Variants in EVL observed in about 807,000 individuals in gnomAD.
EVL encodes the protein ena/VASP-like protein.
In EVL, 21 loss-of-function variants were observed where a neutral mutation model predicts 59.6. The ratio of observed to expected loss-of-function variants is 0.35; its 90% confidence interval spans 0.25 to 0.51. The LOEUF (loss-of-function observed/expected upper bound fraction) is 0.51, where lower values mean the gene tolerates loss of function less well. Ranked by LOEUF, EVL falls within the 20% of genes least tolerant of loss-of-function variation. The pLI is 0.97. For missense variants in EVL, 462 were observed against 546.6 expected (o/e 0.85, Z 1.54); for synonymous variants, 198 against 203.5 (o/e 0.97, Z 0.23).
At chr14:99,971,986 G>GCCC (rs1330937278) in exon 1 of EVL, 1 of 124,392 alleles carries the variant, frequency 8.0e-6, no homozygotes, top group Non-Finnish European at 1.6e-5. Flanking sequence ...CGCGTCCCGC[G>GCCC]CCCCGCCGCC....
Position 100,143,888 on chromosome 14 carries a change from A to T in EVL, c.*150A>T. The T allele has an allele frequency of 1.1e-6, 1 of 875,430 alleles. No individual in the cohort carries two copies. 54.2% of individuals were successfully genotyped at this position (875,430 alleles called of 1,614,324 possible). The stretch of plus-strand genomic sequence containing the variant: ...ACGTCCTGACCTGTGATCACACATG[A>T]CAGTGAGGAAACCAAGTGCAACTCC... On this transcript the variant is annotated 3_prime_UTR_variant, in exon 14 of 14. Transcript: ENST00000392920.
At chr14:100,095,111 G>A (rs1885717134) in intron 2 of EVL, among the ~76,000 whole-genome samples, 1 of 152,138 alleles carries the variant, frequency 6.6e-6, no homozygotes, top group South Asian at 2.1e-4. Flanking sequence ...TCAAATCATA[G>A]GGTTCTAAAT....
chr14:100,060,385 C>T (rs1008875117), intron 1 of EVL, among the ~76,000 whole-genome samples: 6 of 147,102 alleles, frequency 4.1e-5, no homozygotes, highest in African/African-American at 1.0e-4. Context: ...GAGCCGAGAT[C>T]GCGCCACTGC....
intron 3 of EVL, among the ~76,000 whole-genome samples, chr14:100,111,204 C>T (rs8004660): frequency 0.79 from 115,646 of 146,244 alleles, 45,949 homozygotes; most frequent in African/African-American, 0.87. Flanking sequence ...TTGCCCAGGC[C>T]GGAGTGCAGT....
chr14:99,996,275 A>G (rs76814414), intron 1 of EVL, among the ~76,000 whole-genome samples: 3,141 of 152,026 alleles, frequency 0.021, 104 homozygotes, highest in African/African-American at 0.072. Flanking sequence ...GGGTACAGAA[A>G]CCTCTTAACT....
chr14:100,031,018 G>C (rs2061306728), intron 1 of EVL, among the ~76,000 whole-genome samples: 1 of 152,196 alleles, frequency 6.6e-6, no homozygotes, highest in East Asian at 1.9e-4. Flanking sequence ...AATTACAAGT[G>C]AGAACTCAGT....
At chr14:100,040,925 T>C (rs980657297) in intron 1 of EVL, among the ~76,000 whole-genome samples, 1 of 152,204 alleles carries the variant, frequency 6.6e-6, no homozygotes, top group Non-Finnish European at 1.5e-5. Flanking sequence ...AAGCATAATA[T>C]GCTTAAGCTA....
chr14:100,065,352 G>C (rs2061908301), upstream of EVL: 1 of 813,602 alleles, frequency 1.2e-6, no homozygotes, highest in African/African-American at 1.8e-5. Flanking sequence ...CTTTGTCTCT[G>C]GTTCAGCTTC....
chr14:100,021,106 C>T (rs1043445537), intron 1 of EVL, among the ~76,000 whole-genome samples: 1 of 152,182 alleles, frequency 6.6e-6, no homozygotes, highest in Admixed American at 6.5e-5. Flanking sequence ...TAGAAAGTAG[C>T]GCAATTGCGT....
At chr14:100,077,405 T>C (rs1377191706) in intron 1 of EVL, among the ~76,000 whole-genome samples, 1 of 152,210 alleles carries the variant, frequency 6.6e-6, no homozygotes, top group African/African-American at 2.4e-5. Context: ...TGGGAAACAG[T>C]GAAAAGAATA....
At chr14:100,129,501 C>T in intron 6 of EVL, 62 bp from the exon 7 acceptor site, 1 of 1,603,824 alleles carries the variant, frequency 6.2e-7, no homozygotes, top group Non-Finnish European at 8.5e-7. Flanking sequence ...CCCCTCACAT[C>T]GTTGCTGCTC....
intron 1 of EVL, among the ~76,000 whole-genome samples, chr14:100,012,268 G>A (rs982331452): frequency 6.6e-6 from 1 of 152,138 alleles, no homozygotes; most frequent in Non-Finnish European, 1.5e-5. Flanking sequence ...AGGTTATGGG[G>A]TCTGTTTCTA....
chr14:100,123,986 G>A (rs946698617), intron 4 of EVL, among the ~76,000 whole-genome samples: 1 of 152,208 alleles, frequency 6.6e-6, no homozygotes, highest in Non-Finnish European at 1.5e-5. Flanking sequence ...TCACGCCCAT[G>A]GGATGGGGCT....
intron 1 of EVL, among the ~76,000 whole-genome samples, chr14:100,020,562 T>C (rs940083570): frequency 6.6e-6 from 1 of 152,160 alleles, no homozygotes; most frequent in Non-Finnish European, 1.5e-5. Context: ...GAGCATAAAT[T>C]CCATATTGAT....
Position 100,081,685 on chromosome 14 carries a change from G to T in EVL, c.12-3002G>T, listed in dbSNP as rs1567005314. ...GCTTCACCCCCACCTAGTGCTAGCG[G>T]TTCTCTACGTGCCGTGCAGTTCTTT... On this transcript the variant is annotated intron_variant, in intron 1 of 13. Transcript: ENST00000392920. Among the ~76,000 whole-genome samples, 8 of 152,266 alleles carry T rather than the reference G, an allele frequency of 5.3e-5. No individual in the cohort carries two copies. In the South Asian group the frequency reaches 1.7e-3, roughly 32 times the overall value.
At chr14:100,036,847 G>A (rs1297578462) in intron 1 of EVL, among the ~76,000 whole-genome samples, 1 of 152,148 alleles carries the variant, frequency 6.6e-6, no homozygotes, top group African/African-American at 2.4e-5. Context: ...CCTGACCTCA[G>A]TGTGACTTTA....
intron 1 of EVL, among the ~76,000 whole-genome samples, chr14:100,032,915 T>C (rs182511159): frequency 6.6e-6 from 1 of 152,174 alleles, no homozygotes; most frequent in African/African-American, 2.4e-5. Context: ...CAGCACTCTT[T>C]GTTTATTCAT....
intron 1 of EVL, among the ~76,000 whole-genome samples, chr14:100,009,052 C>A (rs1006253702): frequency 6.6e-6 from 1 of 152,206 alleles, no homozygotes; most frequent in Non-Finnish European, 1.5e-5. Context: ...CGTAAGACTT[C>A]TTAGATTACA....
At chr14:100,064,780 C>T (rs549359328), upstream of EVL, among the ~76,000 whole-genome samples, 2 of 152,206 alleles carry the variant, frequency 1.3e-5, no homozygotes. Context: ...CATGGTGGCA[C>T]ATGCCTATAA....
Sources: gnomAD v4.1 joint callset for allele counts (sites outside exome capture counted in the v4.1 genomes callset) on GRCh38, gnomAD v4.1.1 for gene constraint, MANE v1.5 for transcripts, NCBI Gene and HGNC (gene_info 2026-07-23, HGNC 2026-07-21) for gene names.